CSMD1: variants seen among roughly 807,000 people sequenced by gnomAD.
CSMD1 encodes CUB and Sushi multiple domains 1, also known as CUB and sushi domain-containing protein 1.
A neutral mutation model predicts 417.5 loss-of-function variants in CSMD1; 213 were observed. The observed-to-expected ratio is 0.51, with a 90% CI of 0.46 to 0.57. The LOEUF (loss-of-function observed/expected upper bound fraction) is 0.57. Ranked by LOEUF, CSMD1 falls within the 20% of genes least tolerant of loss-of-function variation. The pLI is 0.00. For missense variants in CSMD1, 6,923 were observed against 4,529.7 expected, an observed-to-expected ratio of 1.53 and a Z score of -15.17; for synonymous variants, 2,862 against 1,736.8, an observed-to-expected ratio of 1.65 and a Z score of -16.11.
intron 3 of CSMD1, among the ~76,000 whole-genome samples, chr8:4,202,379 C>T (rs1331342653): frequency 6.6e-6 from 1 of 152,088 alleles, no homozygotes; most frequent in South Asian, 2.1e-4. Flanking sequence ...ACACTTTTTT[C>T]TTCTAACAGT....
chr8:4,074,949 G>C (rs1799745093), intron 3 of CSMD1, among the ~76,000 whole-genome samples: 2 of 151,962 alleles, frequency 1.3e-5, no homozygotes, highest in Non-Finnish European at 2.9e-5. Context: ...TTATATTTTT[G>C]TGTGACAGTT....
chr8:3,905,105 C>A (rs1342387675), intron 5 of CSMD1, among the ~76,000 whole-genome samples: 2 of 151,968 alleles, frequency 1.3e-5, no homozygotes, highest in South Asian at 4.2e-4. Flanking sequence ...GAAACTGAGG[C>A]AATTTTAATA....
intron 40 of CSMD1, among the ~76,000 whole-genome samples, chr8:3,147,204 G>C (rs763514528): frequency 6.6e-6 from 1 of 152,120 alleles, no homozygotes; most frequent in Non-Finnish European, 1.5e-5. Context: ...TGTTTTGCAA[G>C]AACGATTTTT....
chr8:3,886,388 T>C (rs1251714974), intron 5 of CSMD1, among the ~76,000 whole-genome samples: 1 of 152,178 alleles, frequency 6.6e-6, no homozygotes, highest in African/African-American at 2.4e-5. Context: ...GGCAAATTGG[T>C]TGTGTGCTAG....
At chr8:3,125,852 C>T (rs1464774532) in intron 41 of CSMD1, among the ~76,000 whole-genome samples, 2 of 152,170 alleles carry the variant, frequency 1.3e-5, no homozygotes, top group Non-Finnish European at 1.5e-5. Flanking sequence ...TAGCAGATGC[C>T]TGTAACCCCA....
chr8:3,436,415 G>A (rs1037696780), intron 12 of CSMD1, among the ~76,000 whole-genome samples: 5 of 152,068 alleles, frequency 3.3e-5, no homozygotes, highest in Admixed American at 6.6e-5. Flanking sequence ...TGTGAGAGCT[G>A]GTCTTTTGCC....
chr8:3,489,274 T>C (rs1037791563), intron 11 of CSMD1, among the ~76,000 whole-genome samples: 3 of 152,194 alleles, frequency 2.0e-5, no homozygotes, highest in Non-Finnish European at 2.9e-5. Flanking sequence ...TATCCTGATT[T>C]GTTAATCCAC....
chr8:3,623,203 G>A (rs1022822502), intron 7 of CSMD1, among the ~76,000 whole-genome samples: 5 of 152,286 alleles, frequency 3.3e-5, no homozygotes, highest in African/African-American at 4.8e-5. Context: ...TATTTTCAAT[G>A]ACTTTTTCAA....
At chr8:4,296,186 C>G (rs1797671488) in intron 3 of CSMD1, among the ~76,000 whole-genome samples, 1 of 152,068 alleles carries the variant, frequency 6.6e-6, no homozygotes. Context: ...CTCCTGGCAC[C>G]TTAGTCCTCA....
At chr8:4,857,529 T>TAAA (rs1801875123) in intron 1 of CSMD1, among the ~76,000 whole-genome samples, 1 of 150,590 alleles carries the variant, frequency 6.6e-6, no homozygotes, top group Admixed American at 6.6e-5. Flanking sequence ...GCAAGACTAA[T>TAAA]GAAAAAAAGA....
intron 1 of CSMD1, among the ~76,000 whole-genome samples, chr8:4,701,093 G>C (rs535453749): frequency 6.6e-4 from 101 of 152,202 alleles, no homozygotes; most frequent in African/African-American, 2.3e-3. Context: ...TAAGGGTAGA[G>C]TTAGGATGAA....
chr8:4,769,468 A>G (rs1796495342), intron 1 of CSMD1, among the ~76,000 whole-genome samples: 1 of 152,210 alleles, frequency 6.6e-6, no homozygotes, highest in Non-Finnish European at 1.5e-5. Flanking sequence ...TTATGAAGAT[A>G]AATACCTATG....
intron 41 of CSMD1, among the ~76,000 whole-genome samples, chr8:3,125,461 A>C (rs1226275032): frequency 2.0e-5 from 3 of 152,248 alleles, no homozygotes; most frequent in Non-Finnish European, 4.4e-5. Context: ...TAAGAAAGAA[A>C]GTCATCAAGT....
chr8:4,347,321 T>C (rs146174138), intron 3 of CSMD1, among the ~76,000 whole-genome samples: 1 of 152,300 alleles, frequency 6.6e-6, no homozygotes, highest in African/African-American at 2.4e-5. Flanking sequence ...AATTATTCAG[T>C]CTATAGCATA....
chr8:4,892,112 G>A (rs1804162596), intron 1 of CSMD1, among the ~76,000 whole-genome samples: 1 of 152,090 alleles, frequency 6.6e-6, no homozygotes, highest in Admixed American at 6.5e-5. Context: ...CTTCCTCTCT[G>A]TCACAGGGAA....
At chr8:3,820,803 C>G (rs546212737) in intron 5 of CSMD1, among the ~76,000 whole-genome samples, 2 of 152,120 alleles carry the variant, frequency 1.3e-5, no homozygotes, top group Non-Finnish European at 2.9e-5. Context: ...AGGCTGATCT[C>G]CAATTCCTGA....
chr8:4,086,732 T>C lies in CSMD1; in HGVS notation c.416-54633A>G, dbSNP rs1158785455. ...CAGGTAGATAGATGACATTGACAAG[T>C]ATTATTGAGTTTCTGGTCAATTAAT... On this transcript the variant is annotated intron_variant, in intron 3 of 69. Transcript: ENST00000635120. 2.6e-5 allele frequency among the ~76,000 whole-genome samples: 4 copies of C among 152,354 alleles called. No individual in the cohort carries two copies. In the South Asian group the frequency reaches 8.3e-4, roughly 32 times the overall value.
At chr8:3,183,345 G>C (rs1404932769) in intron 36 of CSMD1, among the ~76,000 whole-genome samples, 4 of 146,482 alleles carry the variant, frequency 2.7e-5, no homozygotes, top group African/African-American at 1.0e-4. Flanking sequence ...TATCGAGTAG[G>C]TCTCTAATGT....
In CSMD1 at chr8:4,538,587, G is replaced by T. The variant is rs139153261; in HGVS notation, c.302+98755C>A. On this transcript the variant is annotated intron_variant, in intron 2 of 69. Transcript: ENST00000635120. Reference sequence around the variant, plus strand: ...GAACCCAGGAGTTGGACGTTGCAGTGAGCCGAGATCGCACCACTGTACTCC... The same window carrying T: ...GAACCCAGGAGTTGGACGTTGCAGTTAGCCGAGATCGCACCACTGTACTCC... Among the ~76,000 whole-genome samples the T allele has an allele frequency of 4.3e-3, 661 of 151,966 alleles. 7 individuals carry two copies. Among genetic ancestry groups the T allele is most frequent in the African/African-American group, 0.015 (627 of 41,418 alleles).
Sources: allele counts gnomAD v4.1 joint callset (sites outside exome capture counted in the v4.1 genomes callset), GRCh38; gene constraint gnomAD v4.1.1; transcripts MANE v1.5; gene names NCBI Gene and HGNC (gene_info 2026-07-23, HGNC 2026-07-21).